ANO2: variants seen among roughly 807,000 people sequenced by gnomAD.
ANO2 encodes the protein anoctamin 2.
In ANO2, 101 loss-of-function variants were observed where a neutral mutation model predicts 124.2. The ratio of observed to expected loss-of-function variants is 0.81; its 90% CI spans 0.69 to 0.96. ANO2 has a LOEUF of 0.96. Ranked by LOEUF, ANO2 falls within the 40% of genes least tolerant of loss-of-function variation. ANO2 has a pLI of 0.00. For synonymous variants in ANO2, 486 were observed against 482.5 expected (o/e 1.01, Z -0.09); for missense variants, 1,293 against 1,274.5 (o/e 1.01, Z -0.22).
chr12:5,940,938 C>T (rs750681042), intron 1 of ANO2, among the ~76,000 whole-genome samples: 37 of 152,056 alleles, frequency 2.4e-4, no homozygotes, highest in Non-Finnish European at 5.0e-4. Flanking sequence ...AATGAAGTAC[C>T]GATATGTGTA....
At chr12:5,786,609 A>C (rs1256813234) in intron 10 of ANO2, among the ~76,000 whole-genome samples, 1 of 152,118 alleles carries the variant, frequency 6.6e-6, no homozygotes, top group African/African-American at 2.4e-5. Context: ...TTAAGGAAAC[A>C]GGGCTGTTTT....
intron 14 of ANO2, among the ~76,000 whole-genome samples, chr12:5,670,575 C>T (rs1455699752): frequency 1.3e-5 from 2 of 152,134 alleles, no homozygotes; most frequent in Non-Finnish European, 2.9e-5. Flanking sequence ...CACTCTATTG[C>T]CCAGGCTGGA....
intron 14 of ANO2, among the ~76,000 whole-genome samples, chr12:5,691,086 T>C (rs1018633857): frequency 4.0e-5 from 6 of 151,594 alleles, no homozygotes; most frequent in African/African-American, 1.2e-4. Context: ...TCCCAGCACT[T>C]TGGGAGGCTG....
intron 4 of ANO2, among the ~76,000 whole-genome samples, chr12:5,849,845 T>C (rs1350792525): frequency 2.0e-5 from 3 of 152,098 alleles, no homozygotes; most frequent in Non-Finnish European, 4.4e-5. Context: ...AGGATGTGGC[T>C]CTCAGCAAAT....
chr12:5,916,724 T>TAA (rs767550531), intron 3 of ANO2, among the ~76,000 whole-genome samples: 1 of 97,638 alleles, frequency 1.0e-5, no homozygotes. Flanking sequence ...TTTTTTAATT[T>TAA]AAAAAAAAAA....
At chr12:5,592,520 G>C (rs1477729042) in intron 20 of ANO2, among the ~76,000 whole-genome samples, 1 of 152,208 alleles carries the variant, frequency 6.6e-6, no homozygotes, top group Non-Finnish European at 1.5e-5. Context: ...ACAAGAGCCA[G>C]CTTGGGATGA....
At chr12:5,918,000 C>A (rs1461004742) in intron 3 of ANO2, among the ~76,000 whole-genome samples, 1 of 152,196 alleles carries the variant, frequency 6.6e-6, no homozygotes, top group Non-Finnish European at 1.5e-5. Context: ...CTCTCTTGAG[C>A]ACAGACATAC....
chr12:5,649,140 T>A (rs1333477172), intron 14 of ANO2, among the ~76,000 whole-genome samples: 1 of 151,978 alleles, frequency 6.6e-6, no homozygotes, highest in African/African-American at 2.4e-5. Context: ...GGTTTAAGAA[T>A]CCCTGGTCAG....
chr12:5,804,352 C>G (rs1953128778), intron 9 of ANO2, among the ~76,000 whole-genome samples: 1 of 152,200 alleles, frequency 6.6e-6, no homozygotes, highest in Non-Finnish European at 1.5e-5. Context: ...GATTTGGACA[C>G]TAAGGTTTTA....
chr12:5,796,376 T>G (rs893770312), intron 10 of ANO2, among the ~76,000 whole-genome samples: 2 of 147,968 alleles, frequency 1.4e-5, no homozygotes, highest in Admixed American at 6.7e-5. Flanking sequence ...ACATATACAC[T>G]CTCCCAAACA....
chr12:5,767,674 C>T (rs937226789), intron 10 of ANO2, among the ~76,000 whole-genome samples: 1 of 152,190 alleles, frequency 6.6e-6, no homozygotes, highest in African/African-American at 2.4e-5. Flanking sequence ...TAAAAACAAA[C>T]TCTTTGGGAT....
chr12:5,939,498 G>C (rs7959037), intron 1 of ANO2, among the ~76,000 whole-genome samples: 6,217 of 152,260 alleles, frequency 0.041, 167 homozygotes, highest in South Asian at 0.11. Flanking sequence ...ATGCAGAAGT[G>C]TGAGGTGGGT....
intron 3 of ANO2, among the ~76,000 whole-genome samples, chr12:5,882,722 G>A (rs550806424): frequency 9.2e-5 from 14 of 152,316 alleles, no homozygotes; most frequent in African/African-American, 3.1e-4. Flanking sequence ...ACACAGCCAA[G>A]TCGCCCACAT....
intron 4 of ANO2, among the ~76,000 whole-genome samples, chr12:5,853,401 G>C (rs1236115484): frequency 6.6e-6 from 1 of 151,644 alleles, no homozygotes; most frequent in African/African-American, 2.4e-5. Context: ...ACCCAGATGT[G>C]CATCATCCTG....
chr12:5,606,968 T>C (rs1210115275), intron 19 of ANO2, among the ~76,000 whole-genome samples: 2 of 152,074 alleles, frequency 1.3e-5, no homozygotes, highest in Non-Finnish European at 2.9e-5. Flanking sequence ...CTAAAGATGA[T>C]AAATCTTTTA....
rs117088630 is a variant in ANO2 at position 5,716,289 on chromosome 12, T to A, written c.1545+16231A>T. 4.9e-4 allele frequency among the ~76,000 whole-genome samples: 75 copies of A among 152,294 alleles called. 1 individual carries two copies. The East Asian group carries it at 9.5e-3, about 19-fold the overall frequency. ...CCAAAAGGTGGCCAGATCCCAGAGT[T>A]ATTGTGTTAATCATTGACCCCTTCC... On this transcript the variant is annotated intron_variant, in intron 14 of 24. Transcript: ENST00000682330.
intron 14 of ANO2, among the ~76,000 whole-genome samples, chr12:5,686,027 C>T (rs983731591): frequency 2.6e-5 from 4 of 152,182 alleles, no homozygotes; most frequent in Non-Finnish European, 5.9e-5. Context: ...TGAAAAGGAT[C>T]AGCTTTGGTA....
intron 14 of ANO2, among the ~76,000 whole-genome samples, chr12:5,731,351 T>C (rs1461479327): frequency 6.9e-6 from 1 of 145,766 alleles, no homozygotes; most frequent in Non-Finnish European, 1.5e-5. Flanking sequence ...TCTGTTTAAG[T>C]TCTGTTTTCT....
intron 3 of ANO2, among the ~76,000 whole-genome samples, chr12:5,897,398 A>G (rs566323345): frequency 6.6e-6 from 1 of 152,328 alleles, no homozygotes; most frequent in East Asian, 1.9e-4. Context: ...ATACAAGAGC[A>G]TCTGGGGCAC....
Sources: allele counts gnomAD v4.1 joint callset (sites outside exome capture counted in the v4.1 genomes callset), GRCh38; gene constraint gnomAD v4.1.1; transcripts MANE v1.5; gene names NCBI Gene and HGNC (gene_info 2026-07-23, HGNC 2026-07-21).